The following UBAP2L variants were observed in gnomAD, a reference collection of about 807,000 sequenced individuals.
UBAP2L encodes ubiquitin associated protein 2 like.
UBAP2L carries 12 observed loss-of-function variants against 130.6 expected under a neutral mutation model. The ratio of observed to expected loss-of-function variants is 0.09; its 90% CI spans 0.06 to 0.15. The LOEUF (loss-of-function observed/expected upper bound fraction) is 0.15, where lower values mean the gene tolerates loss of function less well. Ranked by LOEUF, UBAP2L falls within the 10% of genes least tolerant of loss-of-function variation. The probability of loss-of-function intolerance (pLI) is 1.00; values close to 1 mark genes in which losing one functional copy is unlikely to be tolerated. For missense variants in UBAP2L, 965 were observed against 1,332.5 expected (o/e 0.72, Z 4.29); for synonymous variants, 503 against 524.7 (o/e 0.96, Z 0.57).
intron 15 of UBAP2L, 144 bp downstream of exon 15, chr1:154,254,233 G>A: frequency 1.3e-6 from 1 of 754,354 alleles, no homozygotes; most frequent in Non-Finnish European, 2.0e-6. Flanking sequence ...ACACATCTGT[G>A]GCTAGTGAAT....
intron 25 of UBAP2L, 95 bp downstream of exon 25, chr1:154,266,663 A>G: frequency 7.6e-7 from 1 of 1,320,382 alleles, no homozygotes; most frequent in South Asian, 1.2e-5. Flanking sequence ...GAAGAACCCT[A>G]GGAGAGGTGG....
Position 154,270,783 on chromosome 1 carries a change from T to TTTTTTTTTC in UBAP2L, c.*491_*492insTTTTTCTTT. ...GGTTTTTTTTTTGTTTTTTTTTTTT[T>TTTTTTTTTC]TTTGTACTGTGTCCTCAAATTTAAT... On this transcript the variant is annotated 3_prime_UTR_variant, in exon 27 of 27. Coordinates refer to ENST00000428931, the MANE Select transcript of UBAP2L (RefSeq NM_014847.4). 2 of 1,331,756 alleles carry TTTTTTTTTC rather than the reference T, an allele frequency of 1.5e-6. No homozygotes were observed. Among genetic ancestry groups the TTTTTTTTTC allele is most frequent in the East Asian group, 3.1e-5 (1 of 32,700 alleles). The allele number at this position is 1,331,756 out of a possible 1,614,324, so 82.5% of individuals were successfully genotyped here.
chr1:154,253,148 C>T (rs998566268), intron 14 of UBAP2L, among the ~76,000 whole-genome samples: 3 of 152,028 alleles, frequency 2.0e-5, no homozygotes, highest in African/African-American at 4.8e-5. Context: ...GGATTACAGG[C>T]GCCCACCACC....
chr1:154,235,347 T>C, intron 6 of UBAP2L, 56 bp downstream of exon 6: 1 of 699,756 alleles, frequency 1.4e-6, no homozygotes, highest in Non-Finnish European at 2.6e-6. Flanking sequence ...TATTCATTAA[T>C]GGTCTGCTTT....
At chr1:154,239,975 A>G (rs1672969144) in intron 8 of UBAP2L, among the ~76,000 whole-genome samples, 1 of 152,212 alleles carries the variant, frequency 6.6e-6, no homozygotes, top group Non-Finnish European at 1.5e-5. Flanking sequence ...TACAATGAAT[A>G]TATTTTCCTC....
chr1:154,221,476 G>C (rs1319625142), intron 1 of UBAP2L: 1 of 152,826 alleles, frequency 6.5e-6, no homozygotes. Context: ...GGCCTCCTCT[G>C]ATCCGGATCC....
chr1:154,261,162 AC>A (rs997137724), intron 23 of UBAP2L, 53 bp downstream of exon 23: 18 of 1,559,974 alleles, frequency 1.2e-5, no homozygotes, highest in Non-Finnish European at 1.4e-5. Flanking sequence ...AGCCCTGGAC[AC>A]TATCCTAGCT....
At chr1:154,263,781 A>G (rs999191132) in intron 24 of UBAP2L, among the ~76,000 whole-genome samples, 1 of 152,226 alleles carries the variant, frequency 6.6e-6, no homozygotes, top group Non-Finnish European at 1.5e-5. Flanking sequence ...TGCCTCTTAC[A>G]TAAGCAGTGG....
chr1:154,236,638 AT>A lies in UBAP2L; in HGVS notation c.590+35del, dbSNP rs773466636. Reference sequence around the variant, plus strand: ...TAAGTTTCATTGATCTAGTGTCTTAATTTTTTTTCCCTTAAAAATTACTGTA... The same window carrying A: ...TAAGTTTCATTGATCTAGTGTCTTAATTTTTTTCCCTTAAAAATTACTGTA... On this transcript the variant is annotated intron_variant, in intron 7 of 26. Transcript: ENST00000428931. 7.4e-6 allele frequency: 12 copies of A among 1,612,642 alleles called. No individual in the cohort carries two copies. In the East Asian group the frequency reaches 1.8e-4, roughly 24 times the overall value.
At chr1:154,227,426 C>T in intron 3 of UBAP2L, 67 bp downstream of exon 3, 1 of 1,372,444 alleles carries the variant, frequency 7.3e-7, no homozygotes, top group Non-Finnish European at 1.0e-6. Context: ...TAATCAAATA[C>T]TGTAGATGGA....
upstream of UBAP2L, chr1:154,220,696 G>C (rs886563973): frequency 6.5e-6 from 3 of 461,404 alleles, no homozygotes; most frequent in Non-Finnish European, 7.9e-6. Context: ...GGAAGCGGCG[G>C]CCATCCGTGC....
intron 1 of UBAP2L, among the ~76,000 whole-genome samples, chr1:154,222,345 AT>A (rs2148403961): frequency 6.6e-6 from 1 of 152,198 alleles, no homozygotes; most frequent in Admixed American, 6.5e-5. Context: ...AGATTAGACT[AT>A]CCCAATGATT....
chr1:154,259,163 A>G (rs887644783), intron 21 of UBAP2L, 133 bp downstream of exon 21: 16 of 782,236 alleles, frequency 2.0e-5, no homozygotes, highest in Admixed American at 1.0e-4. Flanking sequence ...ATATTAGAAT[A>G]TAGGGATTTG....
chr1:154,264,973 GA>G (rs369144158), intron 24 of UBAP2L, among the ~76,000 whole-genome samples: 9 of 152,192 alleles, frequency 5.9e-5, no homozygotes, highest in African/African-American at 2.2e-4. Context: ...AAAGGGAATG[GA>G]AAAAATACCC....
intron 1 of UBAP2L, among the ~76,000 whole-genome samples, chr1:154,222,020 A>G (rs1470683800): frequency 6.6e-6 from 1 of 152,164 alleles, no homozygotes; most frequent in Admixed American, 6.5e-5. Flanking sequence ...CTCCTTTTCC[A>G]CCATTCTTGA....
At chr1:154,250,578 G>A (rs1234096771) in intron 12 of UBAP2L, among the ~76,000 whole-genome samples, 2 of 152,140 alleles carry the variant, frequency 1.3e-5, no homozygotes, top group East Asian at 1.9e-4. Flanking sequence ...TGTAGGCCAG[G>A]TGCGGCAGCT....
At chr1:154,220,464 G>GC, upstream of UBAP2L, 1 of 1,605,830 alleles carries the variant, frequency 6.2e-7, no homozygotes, top group Non-Finnish European at 8.5e-7. Context: ...TGGCTGGTCA[G>GC]CCCAGGCTCC....
intron 12 of UBAP2L, among the ~76,000 whole-genome samples, chr1:154,250,618 C>T (rs1216238698): frequency 6.6e-6 from 1 of 152,040 alleles, no homozygotes; most frequent in Non-Finnish European, 1.5e-5. Context: ...CTTCGAGAAG[C>T]CGAGGCGGAC....
intron 14 of UBAP2L, among the ~76,000 whole-genome samples, chr1:154,251,997 A>G (rs1422152165): frequency 6.6e-6 from 1 of 152,082 alleles, no homozygotes; most frequent in Non-Finnish European, 1.5e-5. Flanking sequence ...TTTTAAACAC[A>G]GAGTTTCACT....
Sources: allele counts gnomAD v4.1 joint callset (sites outside exome capture counted in the v4.1 genomes callset), GRCh38; gene constraint gnomAD v4.1.1; transcripts MANE v1.5; gene names NCBI Gene and HGNC (gene_info 2026-07-23, HGNC 2026-07-21).